HS2ST1: variants seen among roughly 807,000 people sequenced by gnomAD.
HS2ST1 encodes 2-O-sulfotransferase.
In HS2ST1, 18 loss-of-function variants were observed where a neutral mutation model predicts 42.9. That is an observed-to-expected ratio of 0.42 (90% CI 0.29 to 0.62). The LOEUF is 0.62. HS2ST1 is among the 20% of genes least tolerant of loss of function. The pLI, the probability that HS2ST1 is intolerant of heterozygous loss-of-function variation, is 0.21. For synonymous variants in HS2ST1, 146 were observed against 152.9 expected, an observed-to-expected ratio of 0.95 and a Z score of 0.33; for missense variants, 334 against 433.8, an observed-to-expected ratio of 0.77 and a Z score of 2.04.
chr1:86,960,099 A>G (rs991736899), intron 1 of HS2ST1, among the ~76,000 whole-genome samples: 1 of 152,158 alleles, frequency 6.6e-6, no homozygotes, highest in Non-Finnish European at 1.5e-5. Flanking sequence ...TTGAAGCAAA[A>G]TAGCGCATAG....
Position 86,914,893 on chromosome 1 carries a change from G to T in HS2ST1, c.-144G>T. On this transcript the variant is annotated 5_prime_UTR_variant, in exon 1 of 7. The change creates a new upstream start codon in the 5' untranslated region. Coordinates refer to ENST00000370550, the MANE Select transcript of HS2ST1 (RefSeq NM_012262.4). ...GGGAGGGGGACTGGAGAGGCGAGAA[G>T]GGGGGTCGCTGCGGTGGTTCTCTCG... 2.1e-6 allele frequency: 2 copies of T among 945,362 alleles called. No individual in the cohort carries two copies. The allele number at this position is 945,362 out of a possible 1,614,324, so 58.6% of individuals were successfully genotyped here.
At chr1:87,072,861 G>T in intron 1 of HS2ST1, 73 bp from the exon 2 acceptor site, 1 of 1,018,462 alleles carries the variant, frequency 9.8e-7, no homozygotes. Flanking sequence ...TCTAATCATG[G>T]TCCAAAGTTC....
chr1:86,944,024 C>CAA (rs35248679), intron 1 of HS2ST1, among the ~76,000 whole-genome samples: 63 of 144,796 alleles, frequency 4.4e-4, no homozygotes, highest in Admixed American at 1.3e-3. Flanking sequence ...AACTCTGTCT[C>CAA]AAAAAAAAAA....
intron 1 of HS2ST1, among the ~76,000 whole-genome samples, chr1:87,013,399 A>G (rs1649659523): frequency 6.6e-6 from 1 of 152,244 alleles, no homozygotes; most frequent in Admixed American, 6.5e-5. Context: ...CATGAGCTGT[A>G]CCTTGGCCCC....
At chr1:87,018,024 A>G (rs1371084025) in intron 1 of HS2ST1, among the ~76,000 whole-genome samples, 1 of 151,880 alleles carries the variant, frequency 6.6e-6, no homozygotes, top group East Asian at 1.9e-4. Flanking sequence ...TTACATCTTT[A>G]TTTTCCATTT....
At chr1:86,963,099 A>AT (rs1210739224) in intron 1 of HS2ST1, among the ~76,000 whole-genome samples, 3 of 151,512 alleles carry the variant, frequency 2.0e-5, no homozygotes, top group Non-Finnish European at 4.4e-5. Flanking sequence ...GAAAGTTCGA[A>AT]TTTTTTTTCA....
chr1:87,025,522 G>C (rs1650061662), intron 1 of HS2ST1, among the ~76,000 whole-genome samples: 1 of 152,138 alleles, frequency 6.6e-6, no homozygotes, highest in African/African-American at 2.4e-5. Context: ...AGACACAATA[G>C]CTTGACAAAT....
chr1:86,980,748 T>C (rs1346714864), intron 1 of HS2ST1, among the ~76,000 whole-genome samples: 1 of 152,182 alleles, frequency 6.6e-6, no homozygotes, highest in Non-Finnish European at 1.5e-5. Flanking sequence ...TAGTTCTTAT[T>C]TTTGGTCAGT....
intron 1 of HS2ST1, among the ~76,000 whole-genome samples, chr1:87,007,728 A>T (rs1172033893): frequency 1.3e-5 from 2 of 152,096 alleles, no homozygotes; most frequent in Non-Finnish European, 2.9e-5. Flanking sequence ...GACATAGTTT[A>T]TCATTTATGC....
intron 1 of HS2ST1, chr1:87,064,402 G>A (rs1254713328): frequency 2.0e-6 from 1 of 497,222 alleles, no homozygotes; most frequent in African/African-American, 1.9e-5. Flanking sequence ...CAGTATTTTA[G>A]GTGTACTCAG....
intron 1 of HS2ST1, among the ~76,000 whole-genome samples, chr1:87,061,647 G>A (rs1347584633): frequency 2.0e-5 from 3 of 151,964 alleles, no homozygotes; most frequent in African/African-American, 7.2e-5. Flanking sequence ...TTCATCTGTT[G>A]ATGGACATTT....
chr1:87,061,505 G>A (rs566736257), intron 1 of HS2ST1, among the ~76,000 whole-genome samples: 13 of 151,772 alleles, frequency 8.6e-5, no homozygotes, highest in African/African-American at 3.1e-4. Flanking sequence ...TATGACCTTC[G>A]GTATCTGGCT....
chr1:87,021,928 T>G (rs1163870497), intron 1 of HS2ST1, among the ~76,000 whole-genome samples: 1 of 152,242 alleles, frequency 6.6e-6, no homozygotes, highest in Non-Finnish European at 1.5e-5. Context: ...GAAAATTATT[T>G]CCTACTTCTT....
intron 2 of HS2ST1, 137 bp downstream of exon 2, chr1:87,073,309 C>T: frequency 4.5e-6 from 3 of 661,490 alleles, no homozygotes; most frequent in Non-Finnish European, 2.7e-6. Context: ...GGGAGAGGGC[C>T]AGCTAACTTT....
intron 1 of HS2ST1, among the ~76,000 whole-genome samples, chr1:86,926,560 T>C (rs1361903199): frequency 6.6e-6 from 1 of 152,246 alleles, no homozygotes; most frequent in Non-Finnish European, 1.5e-5. Context: ...TGAAAATTGC[T>C]GTTCTCTATT....
intron 2 of HS2ST1, among the ~76,000 whole-genome samples, chr1:87,079,811 TG>T (rs1190189934): frequency 6.7e-6 from 1 of 148,928 alleles, no homozygotes; most frequent in Non-Finnish European, 1.5e-5. Context: ...GAGGCTGAGG[TG>T]GGAGGATCAC....
intron 1 of HS2ST1, among the ~76,000 whole-genome samples, chr1:86,982,936 T>C (rs1381601683): frequency 6.6e-6 from 1 of 152,186 alleles, no homozygotes; most frequent in East Asian, 1.9e-4. Flanking sequence ...ACCAGTCTCT[T>C]TGCTAAAGCA....
intron 1 of HS2ST1, among the ~76,000 whole-genome samples, chr1:87,069,182 G>C (rs984094742): frequency 3.3e-5 from 5 of 152,204 alleles, no homozygotes; most frequent in Admixed American, 2.6e-4. Flanking sequence ...GGCACACTCA[G>C]TGTAAATTTT....
chr1:87,029,115 A>C (rs1650164752), intron 1 of HS2ST1, among the ~76,000 whole-genome samples: 1 of 152,184 alleles, frequency 6.6e-6, no homozygotes, highest in Admixed American at 6.5e-5. Context: ...ACCAAGTAGC[A>C]TTTATCCCTG....
Sources: gnomAD v4.1 joint callset for allele counts (sites outside exome capture counted in the v4.1 genomes callset) on GRCh38, gnomAD v4.1.1 for gene constraint, MANE v1.5 for transcripts, NCBI Gene and HGNC (gene_info 2026-07-23, HGNC 2026-07-21) for gene names.